The following C6 variants were observed in gnomAD, a reference collection of about 807,000 sequenced individuals.
C6 encodes complement component C6.
In C6, 101 loss-of-function variants were observed where a neutral mutation model predicts 112.9. The ratio of observed to expected loss-of-function variants is 0.89; its 90% CI spans 0.76 to 1.06. The LOEUF (loss-of-function observed/expected upper bound fraction) is 1.06. Among genes scored for constraint, C6 ranks in the 50% least tolerant of loss-of-function variants. The probability of loss-of-function intolerance (pLI) is 0.00; values close to 1 mark genes in which losing one functional copy is unlikely to be tolerated. For missense variants in C6, 1,202 were observed against 1,104.6 expected (o/e 1.09, Z -1.25); for synonymous variants, 431 against 384.1 (o/e 1.12, Z -1.43).
chr5:41,165,343 T>A (rs865940039), intron 9 of C6, among the ~76,000 whole-genome samples: 1 of 152,200 alleles, frequency 6.6e-6, no homozygotes, highest in Non-Finnish European at 1.5e-5. Context: ...TGTTTCACTT[T>A]AGTAGATATT....
intron 1 of C6, among the ~76,000 whole-genome samples, chr5:41,224,859 T>C (rs1047593259): frequency 2.2e-4 from 34 of 152,182 alleles, no homozygotes; most frequent in Non-Finnish European, 4.3e-4. Flanking sequence ...CATTTTGCAT[T>C]TCTACCAGCA....
At chr5:41,188,151 A>G (rs1749926774) in intron 5 of C6, among the ~76,000 whole-genome samples, 1 of 152,168 alleles carries the variant, frequency 6.6e-6, no homozygotes, top group African/African-American at 2.4e-5. Context: ...GAATAGAAAG[A>G]CATTCCATAT....
intron 9 of C6, among the ~76,000 whole-genome samples, chr5:41,170,695 ATC>A (rs1454573473): frequency 6.6e-6 from 1 of 152,044 alleles, no homozygotes; most frequent in Non-Finnish European, 1.5e-5. Context: ...ATTTAAAATT[ATC>A]TGTTTATTAT....
chr5:41,260,333 T>A (rs1741968104), intron 1 of C6, among the ~76,000 whole-genome samples: 1 of 151,894 alleles, frequency 6.6e-6, no homozygotes, highest in African/African-American at 2.4e-5. Flanking sequence ...AAGGACATAC[T>A]ACAAATATTG....
chr5:41,200,891 G>GTTTTGTTTTTTTTTTTTTTTTTTT (rs1554029750), intron 3 of C6, among the ~76,000 whole-genome samples: 1 of 70,670 alleles, frequency 1.4e-5, no homozygotes, highest in Non-Finnish European at 2.4e-5. Flanking sequence ...TGTTGTTGTT[G>GTTTTGTTTTTTTTTTTTTTTTTTT]TTTTTTTTTT....
intron 13 of C6, among the ~76,000 whole-genome samples, chr5:41,157,819 T>A (rs935242795): frequency 7.9e-5 from 12 of 152,144 alleles, no homozygotes; most frequent in Non-Finnish European, 1.6e-4. Flanking sequence ...TTTTCTAGAG[T>A]AAAGACTAAT....
chr5:41,179,495 T>G (rs1341820951), intron 7 of C6, among the ~76,000 whole-genome samples: 1 of 151,932 alleles, frequency 6.6e-6, no homozygotes, highest in Non-Finnish European at 1.5e-5. Context: ...AAAGGCCATA[T>G]TCCCATGCCC....
At chr5:41,221,972 C>T (rs1182780021) in intron 1 of C6, among the ~76,000 whole-genome samples, 1 of 151,972 alleles carries the variant, frequency 6.6e-6, no homozygotes, top group Non-Finnish European at 1.5e-5. Context: ...TGAGACCAGC[C>T]TGACCAACAT....
At position 41,160,289 on chromosome 5, in the gene C6, C is replaced by G. The variant is rs1747357513; in HGVS notation, c.1537G>C (p.Glu513Gln). The change falls in exon 11 of 18, where the codon GAG (glutamate) becomes CAG (glutamine). Residue 513 changes from glutamate to glutamine, a missense_variant. Transcript: ENST00000337836. The stretch of plus-strand genomic sequence containing the variant: ...CAAGGATCGAACTTGGCTGCATACT[C>G]TTGCAAAGCTTTCCTGAGGTTGTTC... ...KRNNLRKALQ[E>Q]YAAKFDPCQC... 3 of 1,613,886 alleles carry G rather than the reference C, an allele frequency of 1.9e-6. No individual in the cohort carries two copies. Among genetic ancestry groups the G allele is most frequent in the Non-Finnish European group, 2.5e-6 (3 of 1,179,856 alleles).
chr5:41,151,439 T>C (rs1746382303), intron 15 of C6, among the ~76,000 whole-genome samples: 1 of 152,090 alleles, frequency 6.6e-6, no homozygotes, highest in South Asian at 2.1e-4. Flanking sequence ...TATTAGAAAA[T>C]GCTTAGTTTT....
At position 41,251,346 on chromosome 5, in the gene C6, C is replaced by CATAT. The variant is rs140781245; in HGVS notation, c.-21+9844_-21+9847dup. 1.6e-3 allele frequency among the ~76,000 whole-genome samples: 238 copies of CATAT among 150,306 alleles called. 12 individuals carry two copies. The East Asian group carries it at 0.044, about 28-fold the overall frequency. On this transcript the variant is annotated intron_variant, in intron 1 of 17. Coordinates refer to the C6 transcript ENST00000263413. ...ATTGTACCCCAAATCATCCCAGAAC[C>CATAT]ATATATATATATATATTTTCTACCA...
At chr5:41,160,430 T>A in intron 10 of C6, 63 bp from the exon 11 acceptor site, 1 of 1,245,924 alleles carries the variant, frequency 8.0e-7, no homozygotes. Context: ...TTGCCATTAC[T>A]GCCCAGTTCT....
At position 41,160,132 on chromosome 5, in the gene C6, T is replaced by C. The variant is rs745871142; in HGVS notation, c.1684+10A>G. On this transcript the variant is annotated intron_variant, in intron 11 of 17. Coordinates refer to ENST00000337836, the MANE Select transcript of C6 (RefSeq NM_000065.5). ...ACTTATCTACCTCACAATAGATTCC[T>C]GATACTTACTGGATTTATAATCTGG... 1.3e-6 allele frequency: 2 copies of C among 1,594,374 alleles called. No homozygotes were observed. The highest frequency in any genetic ancestry group is 1.3e-5 in the African/African-American group (1 of 74,500).
intron 1 of C6, among the ~76,000 whole-genome samples, chr5:41,233,822 G>A (rs1420228389): frequency 6.6e-6 from 1 of 151,936 alleles, no homozygotes; most frequent in East Asian, 1.9e-4. Context: ...TAAGTTATTG[G>A]CAGGTTATAT....
intron 1 of C6, among the ~76,000 whole-genome samples, chr5:41,248,649 C>T (rs766714891): frequency 1.2e-4 from 18 of 152,152 alleles, no homozygotes; most frequent in African/African-American, 4.1e-4. Context: ...GTCAAAATGG[C>T]TACTATTAAA....
chr5:41,255,918 G>T (rs537905813), intron 1 of C6, among the ~76,000 whole-genome samples: 21 of 152,324 alleles, frequency 1.4e-4, no homozygotes, highest in African/African-American at 5.1e-4. Context: ...CTAAGCATCT[G>T]TGAGTGGAGA....
Position 41,253,723 on chromosome 5 carries a change from C to T in C6, c.-21+7471G>A, listed in dbSNP as rs377098796. Reference sequence around the variant, plus strand: ...TGATCCAGAGTGGAATGTAATTGTACGGATAATATGTGCTATTGTTTATAT... The same window carrying T: ...TGATCCAGAGTGGAATGTAATTGTATGGATAATATGTGCTATTGTTTATAT... On this transcript the variant is annotated intron_variant, in intron 1 of 17. Coordinates refer to the C6 transcript ENST00000263413. Among the ~76,000 whole-genome samples, 13 of 152,144 alleles carry T rather than the reference C, an allele frequency of 8.5e-5. 1 individual carries two copies. The highest frequency in any genetic ancestry group is 3.4e-3 in the Middle Eastern group (1 of 294).
chr5:41,163,304 A>G (rs1324064493), intron 9 of C6, among the ~76,000 whole-genome samples: 1 of 150,518 alleles, frequency 6.6e-6, no homozygotes, highest in Non-Finnish European at 1.5e-5. Flanking sequence ...TGTATTTATC[A>G]ATGAACTTTT....
chr5:41,161,084 C>G (rs988138933), intron 10 of C6, among the ~76,000 whole-genome samples: 1 of 152,054 alleles, frequency 6.6e-6, no homozygotes, highest in African/African-American at 2.4e-5. Context: ...ATGATTGAAA[C>G]CTTTTATCTT....
Sources: gnomAD v4.1 joint callset for allele counts (sites outside exome capture counted in the v4.1 genomes callset) on GRCh38, gnomAD v4.1.1 for gene constraint, MANE v1.5 for transcripts, NCBI Gene and HGNC (gene_info 2026-07-23, HGNC 2026-07-21) for gene names.